Variants in CLASP1 observed in about 807,000 individuals in gnomAD.
The protein encoded by CLASP1 is CLIP-associating protein 1.
CLASP1 carries 38 observed loss-of-function variants against 192.3 expected under a neutral mutation model. The observed-to-expected ratio is 0.20, with a 90% CI of 0.15 to 0.26. CLASP1 has a LOEUF of 0.26. CLASP1 is among the 10% of genes least tolerant of loss of function. The pLI is 1.00. For missense variants in CLASP1, 1,433 were observed against 1,932.5 expected, an observed-to-expected ratio of 0.74 and a Z score of 4.85; for synonymous variants, 691 against 712.8, an observed-to-expected ratio of 0.97 and a Z score of 0.49.
rs747188884 is a variant in CLASP1, at chr2:121,365,164, C to T, written c.4007G>A (p.Ser1336Asn). 3.1e-5 allele frequency: 50 copies of T among 1,613,810 alleles called. No homozygotes were observed. The highest frequency in any genetic ancestry group is 1.3e-5 in the African/African-American group (1 of 74,932). The change falls in exon 36 of 40, where the codon AGC becomes AAC. Residue 1336 changes from serine (S) to asparagine (N), a missense_variant. Physicochemically the swap from Ser to Asn is conservative, Grantham distance 46. Transcript: ENST00000263710. ...GAAGTGCTCCTCCCAGACACCAAGG[C>T]TGTCTTCCCGCGTGATCTTGAGCAG...
chr2:121,405,186 G>A (rs528321616), intron 25 of CLASP1, among the ~76,000 whole-genome samples: 165 of 152,256 alleles, frequency 1.1e-3, no homozygotes, highest in Non-Finnish European at 2.0e-3. Context: ...GTGGGTGCCT[G>A]TAATCCCAGT....
intron 22 of CLASP1, among the ~76,000 whole-genome samples, chr2:121,422,770 C>A (rs560670566): frequency 1.1e-4 from 16 of 152,204 alleles, no homozygotes; most frequent in African/African-American, 3.9e-4. Flanking sequence ...TAAGAAGTAT[C>A]ATTTCAAACA....
At position 121,609,502 on chromosome 2, in the gene CLASP1, T is replaced by C. The variant is rs576121479; in HGVS notation, c.-285-3322A>G. The stretch of plus-strand genomic sequence containing the variant: ...TACACTTATTCTTATTAAACTGATG[T>C]TTTTGGACTTTTTTCATGTTTTTGT... On this transcript the variant is annotated intron_variant, in intron 1 of 39. Transcript: ENST00000263710. Among the ~76,000 whole-genome samples the C allele has an allele frequency of 1.2e-4, 19 of 152,312 alleles. No individual in the cohort carries two copies. In the East Asian group the frequency reaches 3.5e-3, roughly 28 times the overall value.
At chr2:121,447,212 G>T in intron 19 of CLASP1, 125 bp downstream of exon 19, 2 of 898,192 alleles carry the variant, frequency 2.2e-6, no homozygotes, top group South Asian at 1.8e-5. Context: ...AAGCTACTTA[G>T]ATTTAAATAG....
chr2:121,637,120 C>T (rs1053137155), intron 1 of CLASP1, among the ~76,000 whole-genome samples: 3 of 152,086 alleles, frequency 2.0e-5, no homozygotes, highest in African/African-American at 7.2e-5. Context: ...TTTTGGGACA[C>T]AAACTATTTA....
chr2:121,365,094 G>A (rs771461205), exon 36 of CLASP1: 84 of 1,613,828 alleles, frequency 5.2e-5, no homozygotes, highest in South Asian at 3.5e-4. Context: ...AGCATCTCAC[G>A]TCTTTGTCTC....
rs199707253 is a variant in CLASP1, at chr2:121,549,289, C to T, written c.196-18964G>A. ...ACAGAAAAAAGCCAGGGTTGCAATCCTAATTTCAGACAAAGAGACTTTAAA... is the reference window on the plus strand; with the variant it reads ...ACAGAAAAAAGCCAGGGTTGCAATCTTAATTTCAGACAAAGAGACTTTAAA... On this transcript the variant is annotated intron_variant, in intron 2 of 39. Transcript: ENST00000263710. Among the ~76,000 whole-genome samples, 13 of 152,206 alleles carry T rather than the reference C, an allele frequency of 8.5e-5. No homozygotes were observed. In the East Asian group the frequency reaches 1.3e-3, roughly 16 times the overall value.
intron 7 of CLASP1, among the ~76,000 whole-genome samples, chr2:121,511,376 G>T (rs767004361): frequency 1.8e-4 from 27 of 152,076 alleles, no homozygotes; most frequent in Admixed American, 3.3e-4. Context: ...ATCACCTGAG[G>T]TCGGGGGTTC....
exon 32 of CLASP1, chr2:121,387,199 C>T (rs368237661): frequency 6.3e-5 from 101 of 1,607,550 alleles, no homozygotes; most frequent in Non-Finnish European, 7.8e-5. Context: ...GTCGGGAGGG[C>T]GTCCGGCCAA....
At chr2:121,452,775 A>G (rs1161453625) in intron 14 of CLASP1, among the ~76,000 whole-genome samples, 2 of 152,230 alleles carry the variant, frequency 1.3e-5, no homozygotes, top group East Asian at 1.9e-4. Flanking sequence ...TAGGCGACAG[A>G]GCGAGACTCT....
At chr2:121,470,081 T>C (rs2090404374) in intron 8 of CLASP1, 121 bp from the exon 9 acceptor site, 1 of 851,928 alleles carries the variant, frequency 1.2e-6, no homozygotes, top group African/African-American at 1.7e-5. Flanking sequence ...GCATACTCTT[T>C]TGGAATCTGA....
chr2:121,529,256 T>C (rs1315660574), intron 3 of CLASP1, among the ~76,000 whole-genome samples: 1 of 152,190 alleles, frequency 6.6e-6, no homozygotes, highest in Non-Finnish European at 1.5e-5. Context: ...CAGCTCTCCA[T>C]CTTCCCCGAC....
intron 29 of CLASP1, 24 bp from the exon 31 acceptor site, chr2:121,397,307 C>T: frequency 6.2e-7 from 1 of 1,602,528 alleles, no homozygotes; most frequent in Non-Finnish European, 8.5e-7. Flanking sequence ...TAATTATAAA[C>T]ATTAAGTACA....
chr2:121,418,700 T>C (rs772916255), exon 23 of CLASP1: 63 of 1,613,628 alleles, frequency 3.9e-5, no homozygotes, highest in Non-Finnish European at 5.3e-5. Context: ...CCCTGACTCA[T>C]GCTGGGTCGA....
At chr2:121,465,586 C>T (rs1353667115) in intron 9 of CLASP1, among the ~76,000 whole-genome samples, 3 of 152,086 alleles carry the variant, frequency 2.0e-5, no homozygotes, top group African/African-American at 4.8e-5. Flanking sequence ...GTGAAAATGG[C>T]CATACTGCCC....
At chr2:121,531,137 A>C (rs552492132) in intron 2 of CLASP1, 4 of 617,372 alleles carry the variant, frequency 6.5e-6, no homozygotes, top group Non-Finnish European at 8.9e-6. Flanking sequence ...AAGTTCTTTC[A>C]GTTTTTGCGG....
At position 121,478,992 on chromosome 2, in the gene CLASP1, C is replaced by CCACACACACCA. The variant is rs1559370357; in HGVS notation, c.713-9033_713-9032insTGGTGTGTGTG. The stretch of plus-strand genomic sequence containing the variant: ...ACACACCACACACACACCACACACC[C>CCACACACACCA]CACACACACACCACACACACACACC... On this transcript the variant is annotated intron_variant, in intron 8 of 39. Coordinates refer to ENST00000263710, the Ensembl canonical transcript of CLASP1. Among the ~76,000 whole-genome samples the CCACACACACCA allele has an allele frequency of 6.8e-4, 43 of 63,374 alleles. 2 individuals carry two copies. Among genetic ancestry groups the CCACACACACCA allele is most frequent in the African/African-American group, 3.4e-3 (40 of 11,908 alleles). 41.6% of individuals were successfully genotyped at this position (63,374 alleles called of 152,430 possible). A position where few individuals can be genotyped will look rare whatever the true frequency, so the allele number is the denominator to read the frequency against.
At chr2:121,492,164 T>C (rs1042755189) in intron 8 of CLASP1, among the ~76,000 whole-genome samples, 2 of 151,422 alleles carry the variant, frequency 1.3e-5, no homozygotes, top group South Asian at 2.1e-4. Flanking sequence ...CCGAGGCGGG[T>C]AGATCACGAG....
intron 25 of CLASP1, among the ~76,000 whole-genome samples, chr2:121,406,140 G>C (rs1398066000): frequency 6.6e-6 from 1 of 152,084 alleles, no homozygotes; most frequent in Non-Finnish European, 1.5e-5. Flanking sequence ...GCACTGTTAT[G>C]GTTTAATACG....
Sources: allele counts gnomAD v4.1 joint callset (sites outside exome capture counted in the v4.1 genomes callset), GRCh38; gene constraint gnomAD v4.1.1; transcripts MANE v1.5; gene names NCBI Gene and HGNC (gene_info 2026-07-23, HGNC 2026-07-21).